Variants in KAT2B observed in about 807,000 individuals in gnomAD.
KAT2B encodes the protein lysine acetyltransferase 2B.
KAT2B carries 36 observed loss-of-function variants against 105.9 expected under a neutral mutation model. The ratio of observed to expected loss-of-function variants is 0.34; its 90% CI spans 0.26 to 0.45. The LOEUF is 0.45. Ranked by LOEUF, KAT2B falls within the 20% of genes least tolerant of loss-of-function variation. KAT2B has a pLI of 1.00. For missense variants in KAT2B, 820 were observed against 1,021.6 expected (o/e 0.80, Z 2.69); for synonymous variants, 397 against 377.9 (o/e 1.05, Z -0.59).
chr3:20,108,724 C>T (rs531095948), intron 5 of KAT2B, among the ~76,000 whole-genome samples: 13 of 152,256 alleles, frequency 8.5e-5, no homozygotes, highest in South Asian at 6.2e-4. Context: ...CATTAGGAAC[C>T]GGGCTGCACA....
At chr3:20,150,629 C>G (rs1699854617) in intron 17 of KAT2B, among the ~76,000 whole-genome samples, 1 of 152,162 alleles carries the variant, frequency 6.6e-6, no homozygotes, top group Non-Finnish European at 1.5e-5. Context: ...TAACCCACCT[C>G]ATTTTGTCAA....
intron 2 of KAT2B, among the ~76,000 whole-genome samples, chr3:20,094,199 C>A (rs1698769647): frequency 6.6e-6 from 1 of 152,080 alleles, no homozygotes; most frequent in African/African-American, 2.4e-5. Context: ...CCTCAGGAAT[C>A]TTACAATCAT....
At chr3:20,150,759 T>G (rs549988442) in intron 17 of KAT2B, among the ~76,000 whole-genome samples, 2 of 152,348 alleles carry the variant, frequency 1.3e-5, no homozygotes, top group African/African-American at 4.8e-5. Flanking sequence ...CCATAATTCT[T>G]GCTTTGTTTC....
intron 2 of KAT2B, among the ~76,000 whole-genome samples, chr3:20,081,085 A>G (rs968640349): frequency 1.3e-5 from 2 of 152,186 alleles, no homozygotes; most frequent in African/African-American, 2.4e-5. Flanking sequence ...ACATTAGTCA[A>G]TTTGACAGAT....
intron 9 of KAT2B, among the ~76,000 whole-genome samples, chr3:20,125,636 C>T (rs1473125563): frequency 6.6e-6 from 1 of 151,872 alleles, no homozygotes; most frequent in African/African-American, 2.4e-5. Flanking sequence ...GAAAACTTTG[C>T]TGGCCCCTAA....
chr3:20,130,271 G>C (rs1351956415), intron 11 of KAT2B, among the ~76,000 whole-genome samples: 1 of 152,212 alleles, frequency 6.6e-6, no homozygotes, highest in Non-Finnish European at 1.5e-5. Context: ...TCATCATTCT[G>C]ACTGGGGAAG....
At chr3:20,070,108 G>C (rs1336610459) in intron 1 of KAT2B, among the ~76,000 whole-genome samples, 3 of 152,060 alleles carry the variant, frequency 2.0e-5, no homozygotes, top group African/African-American at 7.2e-5. Context: ...ACTGGGGGAT[G>C]TAGCTATGGG....
chr3:20,129,584 C>T (rs1699473474), intron 11 of KAT2B, among the ~76,000 whole-genome samples: 1 of 152,048 alleles, frequency 6.6e-6, no homozygotes, highest in African/African-American at 2.4e-5. Context: ...CCATGTTGGC[C>T]AGGCTGGTCC....
chr3:20,107,426 G>T (rs1699040486), intron 5 of KAT2B, among the ~76,000 whole-genome samples: 1 of 151,738 alleles, frequency 6.6e-6, no homozygotes, highest in South Asian at 2.1e-4. Flanking sequence ...GGGAGGCCAA[G>T]GCGGATGGAT....
At chr3:20,056,988 A>G (rs1235024759) in intron 1 of KAT2B, among the ~76,000 whole-genome samples, 1 of 152,198 alleles carries the variant, frequency 6.6e-6, no homozygotes, top group Non-Finnish European at 1.5e-5. Context: ...TTTAGAGTAC[A>G]GTGATGTGAG....
In KAT2B at chr3:20,154,180, T is replaced by C. The variant is rs954419581; in HGVS notation, c.*1655T>C. 2 of 152,640 alleles carry C rather than the reference T, an allele frequency of 1.3e-5. No individual in the cohort carries two copies. The highest frequency in any genetic ancestry group is 2.9e-5 in the Non-Finnish European group (2 of 68,022). 9.5% of individuals were successfully genotyped at this position (152,640 alleles called of 1,614,324 possible). A position where few individuals can be genotyped will look rare whatever the true frequency, so the allele number is the denominator to read the frequency against. ...GTTATTTTCTGAGTAGACATTCTTA[T>C]AGAGTATTGTCTTTAAAATCAGATT... is the stretch of plus-strand genomic sequence containing the variant. On this transcript the variant is annotated 3_prime_UTR_variant, in exon 18 of 18. Transcript: ENST00000263754.
intron 13 of KAT2B, among the ~76,000 whole-genome samples, chr3:20,140,657 A>G (rs1450827279): frequency 6.6e-6 from 1 of 151,744 alleles, no homozygotes; most frequent in Admixed American, 6.6e-5. Flanking sequence ...TGCCCAGCCA[A>G]TTTTTCTTAT....
chr3:20,083,098 C>A (rs138261319), intron 2 of KAT2B, among the ~76,000 whole-genome samples: 149 of 152,342 alleles, frequency 9.8e-4, no homozygotes, highest in African/African-American at 3.5e-3. Flanking sequence ...ACTACTGATA[C>A]AGTGTACATT....
intron 1 of KAT2B, among the ~76,000 whole-genome samples, chr3:20,062,240 T>C (rs1286043151): frequency 2.1e-5 from 1 of 48,256 alleles, no homozygotes. Flanking sequence ...ATATATAAAA[T>C]ATATAATATA....
At chr3:20,071,007 T>TAA (rs202027627) in intron 1 of KAT2B, among the ~76,000 whole-genome samples, 1,737 of 83,352 alleles carry the variant, frequency 0.021, 40 homozygotes, top group African/African-American at 0.076. Context: ...AGACTCTGTA[T>TAA]ATAAAAAAAA....
chr3:20,065,522 A>G (rs747918777), intron 1 of KAT2B, among the ~76,000 whole-genome samples: 17 of 152,180 alleles, frequency 1.1e-4, no homozygotes, highest in Non-Finnish European at 1.8e-4. Context: ...CAGCTCAGAA[A>G]ACTTGGCAGA....
chr3:20,063,534 CTTTTTTTTTTTTTTTTTT>C lies in KAT2B; in HGVS notation c.304-8786_304-8769del, dbSNP rs36058009. 5.6e-5 allele frequency among the ~76,000 whole-genome samples: 5 copies of C among 88,822 alleles called. 1 individual carries two copies. The highest frequency in any genetic ancestry group is 3.3e-4 in the Admixed American group (2 of 6,146). The allele number at this position is 88,822 out of a possible 152,430, so 58.3% of individuals were successfully genotyped here. A position where few individuals can be genotyped will look rare whatever the true frequency, so the allele number is the denominator to read the frequency against. On this transcript the variant is annotated intron_variant, in intron 1 of 17. Transcript: ENST00000263754. ...CTCACAGCAACTTCTGAGTAGGCCT[CTTTTTTTTTTTTTTTTTT>C]TTTTTTTTTTTTGAGATGGTTGCTC...
At chr3:20,140,127 G>T (rs373941573) in intron 12 of KAT2B, 94 bp from the exon 13 acceptor site, 2 of 807,402 alleles carry the variant, frequency 2.5e-6, no homozygotes, top group East Asian at 5.0e-5. Flanking sequence ...AAAGAAGCTT[G>T]TCTTGATTCC....
At chr3:20,045,490 A>G (rs1012143447) in intron 1 of KAT2B, among the ~76,000 whole-genome samples, 22 of 152,042 alleles carry the variant, frequency 1.4e-4, no homozygotes, top group African/African-American at 5.3e-4. Flanking sequence ...AGCTGGGACT[A>G]TAGGCCTGCA....
Sources: gnomAD v4.1 joint callset for allele counts (sites outside exome capture counted in the v4.1 genomes callset) on GRCh38, gnomAD v4.1.1 for gene constraint, MANE v1.5 for transcripts, NCBI Gene and HGNC (gene_info 2026-07-23, HGNC 2026-07-21) for gene names.